SYNJ2: variants seen among roughly 807,000 people sequenced by gnomAD.
SYNJ2 encodes synaptojanin 2.
SYNJ2 carries 116 observed loss-of-function variants against 141.3 expected under a neutral mutation model. The ratio of observed to expected loss-of-function variants is 0.82; its 90% CI spans 0.71 to 0.96. The LOEUF (loss-of-function observed/expected upper bound fraction) is 0.96. SYNJ2 is among the 40% of genes least tolerant of loss of function. The pLI is 0.00. For synonymous variants in SYNJ2, 745 were observed against 777.7 expected, an observed-to-expected ratio of 0.96 and a Z score of 0.70; for missense variants, 1,873 against 1,934.8, an observed-to-expected ratio of 0.97 and a Z score of 0.60.
chr6:158,045,099 CTTTTTTTTTTTTTTT>C (rs761042284), intron 5 of SYNJ2, among the ~76,000 whole-genome samples: 2 of 112,284 alleles, frequency 1.8e-5, no homozygotes, highest in South Asian at 7.4e-4. Context: ...AGGGGTCCTC[CTTTTTTTTTTTTTTT>C]TTTTTTTTTT....
intron 6 of SYNJ2, among the ~76,000 whole-genome samples, 159 bp from the exon 7 acceptor site, chr6:158,059,098 G>T (rs1781045210): frequency 6.6e-6 from 1 of 152,242 alleles, no homozygotes; most frequent in Non-Finnish European, 1.5e-5. Flanking sequence ...CTCCACCCAG[G>T]CTCATTTTCC....
chr6:158,075,467 C>G (rs973274122), intron 16 of SYNJ2, among the ~76,000 whole-genome samples: 2 of 151,536 alleles, frequency 1.3e-5, no homozygotes, highest in Middle Eastern at 3.4e-3. Context: ...TTGGTGAAAC[C>G]CCATCTCTAC....
At chr6:158,068,532 G>A in intron 12 of SYNJ2, 115 bp from the exon 13 acceptor site, 1 of 1,130,358 alleles carries the variant, frequency 8.8e-7, no homozygotes, top group Non-Finnish European at 1.3e-6. Context: ...GCCACCTGGA[G>A]TTGGACTCAG....
rs1357107287 is a variant in SYNJ2, at chr6:158,070,835, T to C, written c.1941-767T>C. On this transcript the variant is annotated intron_variant, in intron 14 of 26. Coordinates refer to ENST00000355585, the MANE Select transcript of SYNJ2 (RefSeq NM_003898.4). This position sits in a 1 kb window ranked among gnomAD's most constrained non-coding sequence, Gnocchi z 4.0. The stretch of plus-strand genomic sequence containing the variant: ...GGCTCTGGCATTGCATAAAAGTCCT[T>C]TTGAGACCATCTACCCAGCCCAGCA... Among the ~76,000 whole-genome samples, 1 of 152,182 alleles carries C rather than the reference T, an allele frequency of 6.6e-6. No homozygotes were observed. The highest frequency in any genetic ancestry group is 6.5e-5 in the Admixed American group (1 of 15,286).
chr6:158,088,395 C>T (rs1390614282), intron 23 of SYNJ2, among the ~76,000 whole-genome samples: 1 of 152,048 alleles, frequency 6.6e-6, no homozygotes, highest in Non-Finnish European at 1.5e-5. Flanking sequence ...CTGAATCCCC[C>T]AAGATGTTAA....
At chr6:157,983,562 T>C (rs914353132) in intron 1 of SYNJ2, among the ~76,000 whole-genome samples, 3 of 152,264 alleles carry the variant, frequency 2.0e-5, no homozygotes, top group African/African-American at 7.2e-5. Flanking sequence ...TTCATACACA[T>C]TCAAGAATTC....
At chr6:158,037,768 G>A (rs1779719742) in intron 4 of SYNJ2, among the ~76,000 whole-genome samples, 1 of 152,202 alleles carries the variant, frequency 6.6e-6, no homozygotes, top group African/African-American at 2.4e-5. Context: ...TAAAGTACTG[G>A]GAGTTGGTAC....
At chr6:158,049,972 G>A (rs1240211252) in intron 5 of SYNJ2, among the ~76,000 whole-genome samples, 1 of 151,044 alleles carries the variant, frequency 6.6e-6, no homozygotes, top group Non-Finnish European at 1.5e-5. Context: ...CAGTATGCAC[G>A]TGGCTCTGCA....
rs775280662 is a variant in SYNJ2 at position 158,043,330 on chromosome 6, C to T, written c.726C>T (p.Asp242=). 3.1e-6 allele frequency: 5 copies of T among 1,613,962 alleles called. No homozygotes were observed. Among genetic ancestry groups the T allele is most frequent in the Admixed American group, 3.3e-5 (2 of 60,022 alleles). ...FVETEQMIYM[D]DGVSSFVQIR... is the part of the protein sequence containing the mutation. ...TTGTGCCGCAGATGATTTACATGGACGATGGAGTGTCATCTTTTGTCCAGA... is the reference window on the plus strand; with the variant it reads ...TTGTGCCGCAGATGATTTACATGGATGATGGAGTGTCATCTTTTGTCCAGA... Residue 242 remains aspartate, a synonymous_variant, in exon 5 of 27, where the codon GAC becomes GAT. Transcript: ENST00000355585. The surrounding 1 kb of genome is among the most constrained non-coding windows in gnomAD (Gnocchi z 4.0).
At chr6:157,992,181 C>T (rs1276526313) in intron 1 of SYNJ2, among the ~76,000 whole-genome samples, 1 of 152,058 alleles carries the variant, frequency 6.6e-6, no homozygotes, top group Non-Finnish European at 1.5e-5. Context: ...ATATAGTCAC[C>T]ATGTTGTGCT....
chr6:158,094,422 C>T (rs1347231463), intron 26 of SYNJ2, among the ~76,000 whole-genome samples: 1 of 143,042 alleles, frequency 7.0e-6, no homozygotes, highest in Non-Finnish European at 1.5e-5. Context: ...AAAAAAACAC[C>T]CATCCAACAC....
At chr6:157,988,793 C>G (rs763425881) in intron 1 of SYNJ2, among the ~76,000 whole-genome samples, 19 of 152,122 alleles carry the variant, frequency 1.2e-4, no homozygotes, top group African/African-American at 4.3e-4. Context: ...CAGCTGTCCT[C>G]GAGGTGAAAA....
intron 8 of SYNJ2, among the ~76,000 whole-genome samples, chr6:158,062,866 C>T (rs909382943): frequency 2.0e-5 from 3 of 151,962 alleles, no homozygotes; most frequent in South Asian, 2.1e-4. Context: ...CCCCTTTGTT[C>T]GGGGATCTCA....
rs201211515 is a variant in SYNJ2 at position 158,064,936 on chromosome 6, C to T, written c.1470C>T (p.Tyr490=). The T allele has an allele frequency of 2.1e-5, 34 of 1,612,906 alleles. No individual in the cohort carries two copies. Among genetic ancestry groups the T allele is most frequent in the East Asian group, 1.8e-4 (8 of 44,848 alleles). ...AGCTGCTGCTGGTTGGGGACGTCTA[C>T]GGCGAGGAGGTGGCAGACAAAGGGG... ...AIKLLLVGDV[Y]GEEVADKGGM... Residue 490 remains tyrosine (Y), a synonymous_variant, in exon 11 of 27, where the codon TAC becomes TAT. Coordinates refer to ENST00000355585, the MANE Select transcript of SYNJ2 (RefSeq NM_003898.4).
intron 15 of SYNJ2, 107 bp from the exon 16 acceptor site, chr6:158,074,473 C>A: frequency 1.6e-6 from 2 of 1,249,522 alleles, no homozygotes; most frequent in Non-Finnish European, 2.2e-6. Flanking sequence ...TTCTAAGTAG[C>A]ATTTTGAGAA....
chr6:158,033,621 T>C lies in SYNJ2; in HGVS notation c.652T>C (p.Phe218Leu), dbSNP rs778000003. 4 of 1,613,508 alleles carry C rather than the reference T, an allele frequency of 2.5e-6. No individual in the cohort carries two copies. In the Admixed American group the frequency reaches 6.7e-5, roughly 27 times the overall value. Reference protein sequence around the residue: ...RVSCERTGTRFHTRGVNDDGH... With the variant: ...RVSCERTGTRLHTRGVNDDGH... ...TAGCTGTGAGCGCACAGGCACTCGC[T>C]TCCACACCCGTGGCGTGAACGACGA... The change falls in exon 4 of 27, where the codon TTC becomes CTC. Residue 218 changes from phenylalanine to leucine, a missense_variant. Transcript: ENST00000355585.
At chr6:158,000,064 C>CTTTTTTTTTTTTTTTTTTTTTT (rs58284240) in intron 1 of SYNJ2, among the ~76,000 whole-genome samples, 2 of 85,572 alleles carry the variant, frequency 2.3e-5, no homozygotes, top group African/African-American at 4.3e-5. Flanking sequence ...AGCCAAAAGG[C>CTTTTTTTTTTTTTTTTTTTTTT]TTTTTTTTTT....
chr6:158,065,163 G>T (rs1002914415), intron 11 of SYNJ2, among the ~76,000 whole-genome samples, 172 bp downstream of exon 11: 1 of 152,226 alleles, frequency 6.6e-6, no homozygotes, highest in Non-Finnish European at 1.5e-5. Context: ...GCGCTTTCCT[G>T]CTGGGCCTGG....
chr6:157,985,532 C>T lies in SYNJ2; in HGVS notation c.127+3444C>T, dbSNP rs80102645. ...TGGGAAGCCCCGTAGCCGGTACCAG[C>T]ATCCCTGGCCAACAATCCACAATTA... is the stretch of plus-strand genomic sequence containing the variant. On this transcript the variant is annotated intron_variant, in intron 1 of 26. Transcript: ENST00000355585. Among the ~76,000 whole-genome samples, 469 of 152,348 alleles carry T rather than the reference C, an allele frequency of 3.1e-3. 3 individuals carry two copies. The highest frequency in any genetic ancestry group is 0.011 in the African/African-American group (451 of 41,586).
Sources: gnomAD v4.1 joint callset for allele counts (sites outside exome capture counted in the v4.1 genomes callset) on GRCh38, gnomAD v4.1.1 for gene constraint, Gnocchi (gnomAD v3.1) non-coding constraint, MANE v1.5 for transcripts, NCBI Gene and HGNC (gene_info 2026-07-23, HGNC 2026-07-21) for gene names.